RTN1: variants seen among roughly 807,000 people sequenced by gnomAD.
RTN1 encodes reticulon-1.
In RTN1, 25 loss-of-function variants were observed where a neutral mutation model predicts 65.5. The observed-to-expected ratio is 0.38, with a 90% CI of 0.28 to 0.53. The LOEUF is 0.53. Among genes scored for constraint, RTN1 ranks in the 20% least tolerant of loss-of-function variants. RTN1 has a pLI of 0.79. For synonymous variants in RTN1, 471 were observed against 447.6 expected, an observed-to-expected ratio of 1.05 and a Z score of -0.66; for missense variants, 983 against 1,025.4, an observed-to-expected ratio of 0.96 and a Z score of 0.57.
chr14:59,759,092 T>A (rs1885697518), intron 1 of RTN1, among the ~76,000 whole-genome samples: 1 of 152,138 alleles, frequency 6.6e-6, no homozygotes, highest in Non-Finnish European at 1.5e-5. Context: ...ACATCATATA[T>A]CCTGATTCAT....
At chr14:59,771,405 A>C (rs1885956174) in intron 1 of RTN1, among the ~76,000 whole-genome samples, 1 of 152,222 alleles carries the variant, frequency 6.6e-6, no homozygotes, top group Non-Finnish European at 1.5e-5. Context: ...TTAAGGTGTC[A>C]ACTTGGCTTC....
At chr14:59,769,062 TGAA>T (rs1326125552) in intron 1 of RTN1, among the ~76,000 whole-genome samples, 1 of 152,284 alleles carries the variant, frequency 6.6e-6, no homozygotes, top group East Asian at 1.9e-4. Context: ...TATAAGTAGC[TGAA>T]GAAGAATTCA....
chr14:59,609,328 CT>C (rs747783278), intron 3 of RTN1, among the ~76,000 whole-genome samples: 442 of 141,372 alleles, frequency 3.1e-3, no homozygotes, highest in Middle Eastern at 3.8e-3. Flanking sequence ...TAATCCTTTT[CT>C]TTTTTTTTTT....
At chr14:59,834,051 T>C (rs563899603) in intron 1 of RTN1, among the ~76,000 whole-genome samples, 6 of 152,134 alleles carry the variant, frequency 3.9e-5, no homozygotes, top group African/African-American at 1.2e-4. Context: ...GAGTTCATAA[T>C]TGGACTCGAA....
intron 3 of RTN1, among the ~76,000 whole-genome samples, chr14:59,705,134 A>G (rs1466293281): frequency 6.6e-6 from 1 of 152,134 alleles, no homozygotes; most frequent in Non-Finnish European, 1.5e-5. Flanking sequence ...ACCTCCCCCT[A>G]TTCCCAAACT....
intron 3 of RTN1, among the ~76,000 whole-genome samples, chr14:59,652,449 T>C (rs895892213): frequency 2.0e-5 from 3 of 152,146 alleles, no homozygotes; most frequent in African/African-American, 7.2e-5. Context: ...TAATGGCAGA[T>C]TGGATAAAGA....
chr14:59,861,193 C>A (rs1046934113), intron 1 of RTN1, among the ~76,000 whole-genome samples: 7 of 152,080 alleles, frequency 4.6e-5, no homozygotes, highest in African/African-American at 9.7e-5. Flanking sequence ...AGGAACCCAG[C>A]GGGAGGTAAT....
intron 3 of RTN1, among the ~76,000 whole-genome samples, chr14:59,695,831 T>C: frequency 6.6e-6 from 1 of 152,096 alleles, no homozygotes; most frequent in Middle Eastern, 3.5e-3. Flanking sequence ...ATTGATATTA[T>C]ATTTATATAT....
chr14:59,644,560 C>A (rs1404588401), intron 3 of RTN1, among the ~76,000 whole-genome samples: 2 of 152,162 alleles, frequency 1.3e-5, no homozygotes, highest in Non-Finnish European at 2.9e-5. Flanking sequence ...CTGTAACTGA[C>A]AAAGTGGGAG....
At chr14:59,611,405 G>A (rs947276663) in intron 3 of RTN1, among the ~76,000 whole-genome samples, 2 of 152,204 alleles carry the variant, frequency 1.3e-5, no homozygotes, top group African/African-American at 4.8e-5. Context: ...TAGTCCTGGG[G>A]AGATGTCCTT....
At chr14:59,673,293 T>C (rs1405015681) in intron 3 of RTN1, among the ~76,000 whole-genome samples, 1 of 152,106 alleles carries the variant, frequency 6.6e-6, no homozygotes, top group East Asian at 1.9e-4. Flanking sequence ...CCAGAAGCTT[T>C]TTCTCTCTTG....
At chr14:59,813,552 C>T (rs1886767441) in intron 1 of RTN1, among the ~76,000 whole-genome samples, 1 of 152,016 alleles carries the variant, frequency 6.6e-6, no homozygotes. Context: ...AATTTGACTG[C>T]CAATAAAACC....
intron 3 of RTN1, among the ~76,000 whole-genome samples, chr14:59,659,894 T>C (rs1322370571): frequency 6.6e-6 from 1 of 152,038 alleles, no homozygotes; most frequent in Non-Finnish European, 1.5e-5. Flanking sequence ...ATAACAATAT[T>C]AACCTTAAAT....
At chr14:59,640,987 G>T (rs1882767376) in intron 3 of RTN1, among the ~76,000 whole-genome samples, 1 of 151,914 alleles carries the variant, frequency 6.6e-6, no homozygotes, top group Non-Finnish European at 1.5e-5. Context: ...CTGAGACAGG[G>T]TCTTGCCCTG....
chr14:59,685,707 G>A (rs1883832714), intron 3 of RTN1, among the ~76,000 whole-genome samples: 1 of 152,138 alleles, frequency 6.6e-6, no homozygotes, highest in Non-Finnish European at 1.5e-5. Flanking sequence ...TCATGAATTA[G>A]AAGAATTAAT....
chr14:59,819,884 C>T (rs1044740498), intron 1 of RTN1, among the ~76,000 whole-genome samples: 2 of 152,192 alleles, frequency 1.3e-5, no homozygotes, highest in Non-Finnish European at 2.9e-5. Flanking sequence ...CTTGAGCCCG[C>T]GCCCACCCAG....
intron 1 of RTN1, among the ~76,000 whole-genome samples, chr14:59,850,946 T>C (rs749921130): frequency 3.3e-5 from 5 of 152,200 alleles, no homozygotes; most frequent in Non-Finnish European, 7.3e-5. Flanking sequence ...GTTGAGCATT[T>C]CCATTTCACT....
chr14:59,845,980 C>T (rs923900496), intron 1 of RTN1, among the ~76,000 whole-genome samples: 15 of 152,140 alleles, frequency 9.9e-5, no homozygotes, highest in African/African-American at 3.4e-4. Flanking sequence ...ACAGCAGAAG[C>T]TTGAACTCTA....
chr14:59,654,730 A>AT (rs1264622772), intron 3 of RTN1, among the ~76,000 whole-genome samples: 5 of 152,148 alleles, frequency 3.3e-5, no homozygotes, highest in Admixed American at 2.0e-4. Context: ...CAGAAAAAAA[A>AT]TTGAGAAATC....
Sources: gnomAD v4.1 joint callset for allele counts (sites outside exome capture counted in the v4.1 genomes callset) on GRCh38, gnomAD v4.1.1 for gene constraint, MANE v1.5 for transcripts, NCBI Gene and HGNC (gene_info 2026-07-23, HGNC 2026-07-21) for gene names.